The following RADIL variants were observed in gnomAD, a reference collection of about 807,000 sequenced individuals.
RADIL encodes the protein Rap associating with DIL domain.
A neutral mutation model predicts 97.6 loss-of-function variants in RADIL; 99 were observed. The ratio of observed to expected loss-of-function variants is 1.01; its 90% CI spans 0.86 to 1.20. The LOEUF is 1.20. Among genes scored for constraint, RADIL ranks in the 50% most tolerant of loss-of-function variants. The probability of loss-of-function intolerance (pLI) is 0.00; values close to 1 mark genes in which losing one functional copy is unlikely to be tolerated. For missense variants in RADIL, 1,765 were observed against 1,498.9 expected, an observed-to-expected ratio of 1.18 and a Z score of -2.93; for synonymous variants, 803 against 691.8, an observed-to-expected ratio of 1.16 and a Z score of -2.52.
chr7:4,808,365 A>T (rs1394488529), intron 9 of RADIL, among the ~76,000 whole-genome samples: 1 of 151,736 alleles, frequency 6.6e-6, no homozygotes, highest in Non-Finnish European at 1.5e-5. Flanking sequence ...TTATTATTTT[A>T]TGGATACTAT....
Position 4,834,883 on chromosome 7 carries a change from C to T in RADIL, c.1140G>A (p.Arg380=). The part of the protein sequence containing the change: ...ARLRAVPQSC[R]LCGAALGARG... ...GGGCCCCGAGCGCGGCCCCGCACAG[C>T]CGGCAGCTCTGCGGCACAGCCCGGA... The change falls in exon 4 of 15, where the codon CGG becomes CGA. Residue 380 remains arginine (R), a synonymous_variant. Coordinates refer to ENST00000399583, the MANE Select transcript of RADIL (RefSeq NM_018059.5). This position sits in a 1 kb window ranked among gnomAD's most constrained non-coding sequence, Gnocchi z 6.0. 1 of 1,443,454 alleles carries T rather than the reference C, an allele frequency of 6.9e-7. No individual in the cohort carries two copies. The highest frequency in any genetic ancestry group is 1.9e-4 in the Middle Eastern group (1 of 5,224). The allele number at this position is 1,443,454 out of a possible 1,614,324, so 89.4% of individuals were successfully genotyped here.
chr7:4,802,232 C>T (rs1428931695), intron 11 of RADIL, among the ~76,000 whole-genome samples: 1 of 152,202 alleles, frequency 6.6e-6, no homozygotes, highest in Admixed American at 6.5e-5. Flanking sequence ...CGCCTGCTGC[C>T]CCCAGCCCAG....
rs767897806 is a variant in RADIL at position 4,816,292 on chromosome 7, C to T, written c.1902G>A (p.Ser634=). The change falls in exon 8 of 15, where the codon TCG becomes TCA. Residue 634 remains serine (S), a synonymous_variant. Transcript: ENST00000399583. The part of the protein sequence containing the change: ...RQLQVHPEVA[S]QMLAYLFFFS... ...AGAAGAAGAGGTAGGCGAGCATCTG[C>T]GAGGCCACCTCGGGGTGCACCTGCA... The T allele has an allele frequency of 5.6e-6, 9 of 1,612,634 alleles. No individual in the cohort carries two copies. Among genetic ancestry groups the T allele is most frequent in the South Asian group, 5.5e-5 (5 of 91,070 alleles).
At chr7:4,836,320 G>A (rs747534267) in intron 3 of RADIL, 38 bp downstream of exon 3, 2 of 1,557,936 alleles carry the variant, frequency 1.3e-6, no homozygotes, top group East Asian at 2.4e-5. Context: ...TGTCCCTGCA[G>A]TGGCACCGGG....
At position 4,879,904 on chromosome 7, in the gene RADIL, G is replaced by T. The variant is rs436211; in HGVS notation, c.-64-1701C>A. 6.6e-6 allele frequency among the ~76,000 whole-genome samples: 1 copy of T among 152,132 alleles called. No homozygotes were observed. The highest frequency in any genetic ancestry group is 1.5e-5 in the Non-Finnish European group (1 of 68,032). ...GAGTCCTGAAATCAGACCACCACTC[G>T]CTTCCTCCAGAACCAGCCCAGGTCA... On this transcript the variant is annotated intron_variant, in intron 1 of 14. Coordinates refer to ENST00000399583, the MANE Select transcript of RADIL (RefSeq NM_018059.5). The surrounding 1 kb of genome is among the most constrained non-coding windows in gnomAD (Gnocchi z 4.1).
At position 4,835,156 on chromosome 7, in the gene RADIL, TGA is replaced by T; in HGVS notation, c.865_866del (p.Ala290ProfsTer120). ...AGTGTAGAGGCAGGATGTCGGGGGC[TGA>T]GAGGCTGATGCTGGGCTTGCTGGAG... ...TPSSKPSISL[S>X]APDILPLHCT... is the part of the protein sequence containing the mutation. On this transcript the variant is annotated frameshift_variant, in exon 4 of 15. Transcript: ENST00000399583. LOFTEE classifies it high-confidence loss of function. The surrounding 1 kb of genome is among the most constrained non-coding windows in gnomAD (Gnocchi z 5.8). 1 of 1,611,176 alleles carries T rather than the reference TGA, an allele frequency of 6.2e-7. No homozygotes were observed. The highest frequency in any genetic ancestry group is 8.5e-7 in the Non-Finnish European group (1 of 1,179,232).
chr7:4,804,951 G>A (rs538129364), intron 10 of RADIL, among the ~76,000 whole-genome samples: 1 of 150,682 alleles, frequency 6.6e-6, no homozygotes, highest in South Asian at 2.1e-4. Context: ...AAAATTAGTT[G>A]GGCGTGGTGG....
chr7:4,799,728 C>G lies in RADIL; in HGVS notation c.3024G>C (p.Leu1008=), dbSNP rs1782011441. The G allele has an allele frequency of 3.2e-6, 5 of 1,562,610 alleles. No individual in the cohort carries two copies. Among genetic ancestry groups the G allele is most frequent in the Non-Finnish European group, 4.3e-6 (5 of 1,157,348 alleles). The change falls in exon 14 of 15, where the codon CTG becomes CTC. Residue 1008 remains leucine (L), a synonymous_variant. Coordinates refer to ENST00000399583, the MANE Select transcript of RADIL (RefSeq NM_018059.5). ...LGAPGLYIQT[L]LPGSPAAADG... is the part of the protein sequence containing the mutation. ...CGGCCGCTGCGGGGCTGCCCGGGAGCAGGGTCTGGATGTAGAGCCCGGGGG... is the reference window on the plus strand; with the variant it reads ...CGGCCGCTGCGGGGCTGCCCGGGAGGAGGGTCTGGATGTAGAGCCCGGGGG...
At chr7:4,805,184 C>T (rs533841764) in intron 10 of RADIL, 32 of 236,720 alleles carry the variant, frequency 1.4e-4, no homozygotes, top group Non-Finnish European at 2.1e-4. Context: ...TGTGTGTGTG[C>T]GTGTGCACAT....
At chr7:4,828,717 A>G (rs1005654944) in intron 5 of RADIL, among the ~76,000 whole-genome samples, 7 of 152,210 alleles carry the variant, frequency 4.6e-5, no homozygotes, top group African/African-American at 1.7e-4. Context: ...GTGTTTTGGA[A>G]GTGATTCATT....
In RADIL at chr7:4,867,299, G is replaced by A. The variant is rs1024593640; in HGVS notation, c.535+10306C>T. 9.2e-5 allele frequency among the ~76,000 whole-genome samples: 14 copies of A among 152,180 alleles called. No homozygotes were observed. Among genetic ancestry groups the A allele is most frequent in the African/African-American group, 3.4e-4 (14 of 41,452 alleles). ...TAATCCAGCAGCTCCGTTCCTGGAA[G>A]AATGCCTCCGAGAACTCTGCACAAG... On this transcript the variant is annotated intron_variant, in intron 2 of 14. Transcript: ENST00000399583. The surrounding 1 kb of genome is among the most constrained non-coding windows in gnomAD (Gnocchi z 4.1).
chr7:4,800,064 AG>A, intron 13 of RADIL, 106 bp downstream of exon 13: 1 of 1,442,110 alleles, frequency 6.9e-7, no homozygotes, highest in South Asian at 1.4e-5. Context: ...TCCTCCCCGA[AG>A]GCCTTCCTGT....
chr7:4,811,022 A>C (rs940305555), intron 9 of RADIL, among the ~76,000 whole-genome samples: 5 of 152,064 alleles, frequency 3.3e-5, no homozygotes, highest in Admixed American at 6.5e-5. Flanking sequence ...CTGTAACCCC[A>C]GCTACTCAAG....
rs1273690232 is a variant in RADIL, at chr7:4,834,425, G to A, written c.1416+182C>T. 1.3e-5 allele frequency among the ~76,000 whole-genome samples: 2 copies of A among 152,202 alleles called. No homozygotes were observed. Among genetic ancestry groups the A allele is most frequent in the Non-Finnish European group, 2.9e-5 (2 of 68,030 alleles). ...AGCTGACACCTTGGGTTCTGGGGCT[G>A]CTTCTGGTGGCCTGTGGGGCTGGGG... On this transcript the variant is annotated intron_variant, in intron 4 of 14. Transcript: ENST00000399583. The surrounding 1 kb of genome is among the most constrained non-coding windows in gnomAD (Gnocchi z 6.0).
intron 5 of RADIL, among the ~76,000 whole-genome samples, chr7:4,828,961 C>G (rs1257099166): frequency 1.3e-5 from 2 of 152,316 alleles, no homozygotes; most frequent in South Asian, 4.1e-4. Context: ...TCCAGTCCTC[C>G]CTGCACCTCA....
rs747460408 is a variant in RADIL at position 4,800,185 on chromosome 7, G to A, written c.2968C>T (p.Leu990=). 14 of 1,609,156 alleles carry A rather than the reference G, an allele frequency of 8.7e-6. No homozygotes were observed. The highest frequency in any genetic ancestry group is 7.6e-6 in the Non-Finnish European group (9 of 1,178,742). ...GGGCCACTCACCATCCCGTCGATCA[G>A]GCCCATCCCCAGCCCGGAGGGGCCT... ...ERGPSGLGMG[L]IDGMHTHLGA... The change falls in exon 13 of 15, where the codon CTG becomes TTG. Residue 990 remains leucine (L), a synonymous_variant. Coordinates refer to ENST00000399583, the MANE Select transcript of RADIL (RefSeq NM_018059.5).
intron 2 of RADIL, among the ~76,000 whole-genome samples, chr7:4,847,959 G>T (rs1055823338): frequency 6.6e-6 from 1 of 152,132 alleles, no homozygotes; most frequent in Non-Finnish European, 1.5e-5. Context: ...ACTTAGGGAG[G>T]CCGCAGCAGG....
chr7:4,874,804 T>C (rs1316955821), intron 2 of RADIL, among the ~76,000 whole-genome samples: 7 of 152,098 alleles, frequency 4.6e-5, no homozygotes, highest in Non-Finnish European at 1.5e-5. Context: ...ACACCTGTCA[T>C]CCCAGCACTT....
At position 4,860,758 on chromosome 7, in the gene RADIL, C is replaced by T; in HGVS notation, c.535+16847G>A. 1.2e-6 allele frequency: 2 copies of T among 1,614,168 alleles called. 1 individual carries two copies. The highest frequency in any genetic ancestry group is 3.3e-4 in the Middle Eastern group (2 of 6,062). On this transcript the variant is annotated intron_variant, in intron 2 of 14. Coordinates refer to ENST00000399583, the MANE Select transcript of RADIL (RefSeq NM_018059.5). ...ACCACTCTGCCTTACTTAGCAAAATCTCGTGTGTGATAGCAAGCCCCTGTT... is the reference window on the plus strand; with the variant it reads ...ACCACTCTGCCTTACTTAGCAAAATTTCGTGTGTGATAGCAAGCCCCTGTT...
Sources: gnomAD v4.1 joint callset for allele counts (sites outside exome capture counted in the v4.1 genomes callset) on GRCh38, gnomAD v4.1.1 for gene constraint, Gnocchi (gnomAD v3.1) non-coding constraint, MANE v1.5 for transcripts, NCBI Gene and HGNC (gene_info 2026-07-23, HGNC 2026-07-21) for gene names.